Variants in ACKR3 observed in about 807,000 individuals in gnomAD.
ACKR3 encodes the protein atypical chemokine receptor 3.
Under a neutral mutation model 22.4 loss-of-function variants are expected in ACKR3, and 6 were observed. The observed-to-expected ratio is 0.27, with a 90% CI of 0.15 to 0.53. The LOEUF (loss-of-function observed/expected upper bound fraction) is 0.53. Ranked by LOEUF, ACKR3 falls within the 20% of genes least tolerant of loss-of-function variation. The pLI, the probability that ACKR3 is intolerant of heterozygous loss-of-function variation, is 0.96. For synonymous variants in ACKR3, 209 were observed against 205.2 expected, an observed-to-expected ratio of 1.02 and a Z score of -0.16; for missense variants, 396 against 475.2, an observed-to-expected ratio of 0.83 and a Z score of 1.55.
chr2:236,554,492 G>C, the ACKR3 span, among the ~76,000 whole-genome samples: 1 of 152,214 alleles, frequency 6.6e-6, no homozygotes. Context: ...GAGCAGTCAT[G>C]ACCCCTAGGG....
the ACKR3 span, among the ~76,000 whole-genome samples, chr2:236,557,038 A>C: frequency 1.1e-4 from 16 of 152,352 alleles, no homozygotes; most frequent in South Asian, 3.3e-3. Context: ...TTCAGCAACA[A>C]TAAGACGCTA....
the ACKR3 span, among the ~76,000 whole-genome samples, chr2:236,537,826 A>G: frequency 6.6e-6 from 1 of 152,218 alleles, no homozygotes; most frequent in African/African-American, 2.4e-5. Context: ...TTTCTCCAAA[A>G]GGGTTAATGT....
At chr2:236,564,864 G>A (rs1294146142), upstream of ACKR3, among the ~76,000 whole-genome samples, 1 of 151,994 alleles carries the variant, frequency 6.6e-6, no homozygotes, top group Non-Finnish European at 1.5e-5. Flanking sequence ...GGTCTCTCTG[G>A]GCCTCAGTTT....
Position 236,581,390 on chromosome 2 carries a change from T to C in ACKR3, c.925T>C (p.Cys309Arg). 1 of 1,614,122 alleles carries C rather than the reference T, an allele frequency of 6.2e-7. No homozygotes were observed. Among genetic ancestry groups the C allele is most frequent in the Non-Finnish European group, 8.5e-7 (1 of 1,180,044 alleles). The change falls in exon 2 of 2, where the codon TGC becomes CGC. Residue 309 changes from cysteine to arginine, a missense_variant. Coordinates refer to ENST00000272928, the MANE Select transcript of ACKR3 (RefSeq NM_020311.3). The surrounding 1 kb of genome is among the most constrained non-coding windows in gnomAD (Gnocchi z 4.4). ...ACAGTGCCTGTCGCTGGTGCACTGC[T>C]GCGTCAACCCTGTCCTCTACAGCTT... ...VTQCLSLVHC[C>R]VNPVLYSFIN...
At chr2:236,550,581 G>T in the ACKR3 span, among the ~76,000 whole-genome samples, 2 of 152,142 alleles carry the variant, frequency 1.3e-5, no homozygotes, top group African/African-American at 4.8e-5. This position sits in a 1 kb window ranked among gnomAD's most constrained non-coding sequence, Gnocchi z 4.6. Flanking sequence ...TTAGCTTCCG[G>T]CAATGTGGGC....
At chr2:236,575,995 C>A (rs1691405550) in intron 1 of ACKR3, among the ~76,000 whole-genome samples, 1 of 152,228 alleles carries the variant, frequency 6.6e-6, no homozygotes, top group Non-Finnish European at 1.5e-5. Flanking sequence ...CCCTCCCCTT[C>A]CTTCCCCCTG....
the ACKR3 span, among the ~76,000 whole-genome samples, chr2:236,541,160 G>C: frequency 6.6e-6 from 1 of 152,094 alleles, no homozygotes; most frequent in Non-Finnish European, 1.5e-5. Context: ...TGCAATAATC[G>C]TATAAGATTA....
the ACKR3 span, among the ~76,000 whole-genome samples, chr2:236,539,146 T>A: frequency 6.6e-6 from 1 of 152,176 alleles, no homozygotes; most frequent in Non-Finnish European, 1.5e-5. Context: ...AAGAAAATAC[T>A]ACAGTTTATT....
rs770542607 is a variant in ACKR3 at position 236,580,513 on chromosome 2, C to T, written c.48C>T (p.Asp16=). ...ACTCAGAGCCAGGGAACTTCTCGGA[C>T]ATCAGCTGGCCATGCAACAGCAGCG... ...FDYSEPGNFS[D]ISWPCNSSDC... The change falls in exon 2 of 2, where the codon GAC becomes GAT. Residue 16 remains aspartate (D), a synonymous_variant. Coordinates refer to ENST00000272928, the MANE Select transcript of ACKR3 (RefSeq NM_020311.3). 6 of 1,614,222 alleles carry T rather than the reference C, an allele frequency of 3.7e-6. No individual in the cohort carries two copies. Among genetic ancestry groups the T allele is most frequent in the Non-Finnish European group, 5.1e-6 (6 of 1,180,014 alleles).
In ACKR3 at chr2:236,580,900, C is replaced by T. The variant is rs1210947474; in HGVS notation, c.435C>T (p.Ser145=). 1.2e-6 allele frequency: 2 copies of T among 1,614,094 alleles called. No individual in the cohort carries two copies. Among genetic ancestry groups the T allele is most frequent in the African/African-American group, 2.7e-5 (2 of 74,912 alleles). Residue 145 remains serine, a synonymous_variant, in exon 2 of 2, where the codon TCC becomes TCT. Transcript: ENST00000272928. ...LTCMSVDRYL[S]ITYFTNTPSS... is the part of the protein sequence containing the mutation. Reference sequence around the variant, plus strand: ...GCATGAGCGTGGACCGCTACCTCTCCATCACCTACTTCACCAACACCCCCA... The same window carrying T: ...GCATGAGCGTGGACCGCTACCTCTCTATCACCTACTTCACCAACACCCCCA...
At chr2:236,537,386 C>A in the ACKR3 span, among the ~76,000 whole-genome samples, 1 of 152,152 alleles carries the variant, frequency 6.6e-6, no homozygotes, top group Admixed American at 6.5e-5. Context: ...GGATTGTTAC[C>A]AGGGCTCCAT....
chr2:236,580,571 A>C lies in ACKR3; in HGVS notation c.106A>C (p.Asn36His), dbSNP rs1197492816. Residue 36 changes from asparagine (N) to histidine (H), a missense_variant, in exon 2 of 2, where the codon AAC becomes CAC. Coordinates refer to ENST00000272928, the MANE Select transcript of ACKR3 (RefSeq NM_020311.3). The part of the protein sequence containing the change: ...CIVVDTVMCP[N>H]MPNKSVLLYT... ...CGTGGTGGACACGGTGATGTGTCCC[A>C]ACATGCCCAACAAAAGCGTCCTGCT... 6.2e-7 allele frequency: 1 copy of C among 1,613,714 alleles called. No individual in the cohort carries two copies. Among genetic ancestry groups the C allele is most frequent in the African/African-American group, 1.3e-5 (1 of 74,886 alleles).
rs1691501819 is a variant in ACKR3 at position 236,580,640 on chromosome 2, A to C, written c.175A>C (p.Met59Leu). 4 of 1,613,896 alleles carry C rather than the reference A, an allele frequency of 2.5e-6. No individual in the cohort carries two copies. In the East Asian group the frequency reaches 8.9e-5, roughly 36 times the overall value. Reference sequence around the variant, plus strand: ...TTACATTTTCATCTTCGTCATCGGCATGATTGCCAACTCCGTGGTGGTCTG... The same window carrying C: ...TTACATTTTCATCTTCGTCATCGGCCTGATTGCCAACTCCGTGGTGGTCTG... The part of the protein sequence containing the change: ...FIYIFIFVIG[M>L]IANSVVVWVN... The change falls in exon 2 of 2, where the codon ATG becomes CTG. Residue 59 changes from methionine to leucine, a missense_variant. By Grantham distance (15) the Met-to-Leu change is conservative. Coordinates refer to ENST00000272928, the MANE Select transcript of ACKR3 (RefSeq NM_020311.3).
At chr2:236,559,285 T>A in the ACKR3 span, among the ~76,000 whole-genome samples, 1 of 152,238 alleles carries the variant, frequency 6.6e-6, no homozygotes, top group Non-Finnish European at 1.5e-5. Context: ...ATGAAAAATT[T>A]CAAATATAGG....
the ACKR3 span, among the ~76,000 whole-genome samples, chr2:236,544,360 G>T: frequency 2.0e-5 from 3 of 152,150 alleles, no homozygotes; most frequent in Admixed American, 1.3e-4. The surrounding 1 kb of genome is among the most constrained non-coding windows in gnomAD (Gnocchi z 5.0). Context: ...GTGGATGGGG[G>T]GAAGGCATTC....
At chr2:236,543,621 T>C in the ACKR3 span, among the ~76,000 whole-genome samples, 1 of 152,158 alleles carries the variant, frequency 6.6e-6, no homozygotes, top group East Asian at 1.9e-4. Flanking sequence ...CCAGAGTGGG[T>C]GCCCAGTCTA....
chr2:236,544,372 G>T, the ACKR3 span, among the ~76,000 whole-genome samples: 1 of 152,320 alleles, frequency 6.6e-6, no homozygotes, highest in African/African-American at 2.4e-5. The surrounding 1 kb of genome is among the most constrained non-coding windows in gnomAD (Gnocchi z 5.0). Flanking sequence ...AAGGCATTCA[G>T]TTGGGTCAGG....
chr2:236,553,237 G>A, the ACKR3 span, among the ~76,000 whole-genome samples: 4 of 152,242 alleles, frequency 2.6e-5, no homozygotes, highest in East Asian at 7.8e-4. Flanking sequence ...ATCCCACTCC[G>A]AAGCCAGAGG....
chr2:236,571,618 GAAAAAAAAAA>G (rs397988342), intron 1 of ACKR3, among the ~76,000 whole-genome samples: 3 of 76,596 alleles, frequency 3.9e-5, no homozygotes, highest in Non-Finnish European at 7.6e-5. Flanking sequence ...CTTTCTGAAT[GAAAAAAAAAA>G]AAAAAAAAAA....
Sources: gnomAD v4.1 joint callset for allele counts (sites outside exome capture counted in the v4.1 genomes callset) on GRCh38, gnomAD v4.1.1 for gene constraint, Gnocchi (gnomAD v3.1) non-coding constraint, MANE v1.5 for transcripts, NCBI Gene and HGNC (gene_info 2026-07-23, HGNC 2026-07-21) for gene names.